Variants in GABPB1 observed in about 807,000 individuals in gnomAD.
The protein encoded by GABPB1 is GA-binding protein subunit beta-1.
In GABPB1, 15 loss-of-function variants were observed where a neutral mutation model predicts 45.9. That is an observed-to-expected ratio of 0.33 (90% confidence interval 0.22 to 0.50). GABPB1 has a LOEUF of 0.50. Among genes scored for constraint, GABPB1 ranks in the 20% least tolerant of loss-of-function variants. The pLI is 0.98. For synonymous variants in GABPB1, 143 were observed against 154.4 expected, an observed-to-expected ratio of 0.93 and a Z score of 0.55; for missense variants, 252 against 457.5, an observed-to-expected ratio of 0.55 and a Z score of 4.10.
intron 1 of GABPB1, among the ~76,000 whole-genome samples, chr15:50,340,395 A>G (rs1299140303): frequency 6.6e-6 from 1 of 152,166 alleles, no homozygotes; most frequent in Non-Finnish European, 1.5e-5. Context: ...ATAGCTCAAA[A>G]GCCCAAACAC....
At chr15:50,352,308 G>C (rs1295748602) in intron 1 of GABPB1, 1 of 149,936 alleles carries the variant, frequency 6.7e-6, no homozygotes, top group Non-Finnish European at 1.5e-5. Context: ...CAATGTTATG[G>C]GAAAAAACAC....
At chr15:50,317,174 T>A (rs562155884) in intron 1 of GABPB1, among the ~76,000 whole-genome samples, 30 of 151,920 alleles carry the variant, frequency 2.0e-4, no homozygotes, top group Non-Finnish European at 3.7e-4. Context: ...GGCAGGTGGA[T>A]CACCTGAGGT....
At chr15:50,320,860 G>A (rs1424935858) in intron 1 of GABPB1, among the ~76,000 whole-genome samples, 1 of 152,026 alleles carries the variant, frequency 6.6e-6, no homozygotes, top group Non-Finnish European at 1.5e-5. Context: ...TGGAGGAAGG[G>A]GTCACAGGTC....
In GABPB1 at chr15:50,276,615, G is replaced by A. The variant is rs1401301425; in HGVS notation, c.*2017C>T. 6.6e-6 allele frequency: 1 copy of A among 152,224 alleles called. No individual in the cohort carries two copies. Among genetic ancestry groups the A allele is most frequent in the Non-Finnish European group, 1.5e-5 (1 of 68,048 alleles). The allele number at this position is 152,224 out of a possible 1,614,324, so 9.4% of individuals were successfully genotyped here. On this transcript the variant is annotated 3_prime_UTR_variant, in exon 9 of 9. Transcript: ENST00000380877. ...AAGTCTCCAGCAGGAGAGGAGACTG[G>A]AAGTCAAAGACGACATTAAGTTAGC...
At position 50,326,431 on chromosome 15, in the gene GABPB1, G is replaced by C. The variant is rs991258107; in HGVS notation, c.1-16633C>G. Among the ~76,000 whole-genome samples the C allele has an allele frequency of 2.6e-5, 4 of 152,090 alleles. No homozygotes were observed. The East Asian group carries it at 7.8e-4, about 30-fold the overall frequency. ...CCAGCACTTTGGGAGGCTGAGGTGGGTGGATCACCTGAGGTCAGGAGTTTG... is the reference window on the plus strand; with the variant it reads ...CCAGCACTTTGGGAGGCTGAGGTGGCTGGATCACCTGAGGTCAGGAGTTTG... On this transcript the variant is annotated intron_variant, in intron 1 of 8. Transcript: ENST00000380877.
chr15:50,312,126 C>T (rs1375349123), intron 1 of GABPB1, among the ~76,000 whole-genome samples: 11 of 152,082 alleles, frequency 7.2e-5, no homozygotes, highest in African/African-American at 2.4e-4. Flanking sequence ...GGGTGAATCA[C>T]TTGAGGTCAG....
intron 1 of GABPB1, among the ~76,000 whole-genome samples, chr15:50,325,293 T>C (rs954081545): frequency 7.6e-6 from 1 of 131,894 alleles, no homozygotes; most frequent in African/African-American, 2.8e-5. Flanking sequence ...TAAGGCAATA[T>C]GATGTTATGC....
At chr15:50,309,184 A>AT (rs553303819) in intron 2 of GABPB1, among the ~76,000 whole-genome samples, 1,938 of 150,516 alleles carry the variant, frequency 0.013, 16 homozygotes, top group Middle Eastern at 0.041. Context: ...TTAAAGAGTT[A>AT]TTTTTTTTTG....
rs982809127 is a variant in GABPB1 at position 50,355,145 on chromosome 15, A to G, written c.-161T>C. 1 of 153,106 alleles carries G rather than the reference A, an allele frequency of 6.5e-6. No homozygotes were observed. Among genetic ancestry groups the G allele is most frequent in the Non-Finnish European group, 1.5e-5 (1 of 68,294 alleles). 9.5% of individuals were successfully genotyped at this position (153,106 alleles called of 1,614,324 possible). On this transcript the variant is annotated 5_prime_UTR_variant, in exon 1 of 9. Transcript: ENST00000380877. The stretch of plus-strand genomic sequence containing the variant: ...AAAATGCCGCGTCTGGTCGGCGCCC[A>G]AAATCCCCACCGAAAAGTCCCCCGT...
At chr15:50,306,355 C>G (rs28716586) in intron 2 of GABPB1, among the ~76,000 whole-genome samples, 1 of 151,942 alleles carries the variant, frequency 6.6e-6, no homozygotes, top group South Asian at 2.1e-4. Flanking sequence ...TCTGGCCAGG[C>G]GCAGTGGCTC....
intron 2 of GABPB1, among the ~76,000 whole-genome samples, chr15:50,309,184 A>ATT (rs553303819): frequency 6.6e-6 from 1 of 150,422 alleles, no homozygotes; most frequent in Non-Finnish European, 1.5e-5. Context: ...TTAAAGAGTT[A>ATT]TTTTTTTTTG....
chr15:50,279,726 T>A (rs375788706), intron 8 of GABPB1, among the ~76,000 whole-genome samples: 1 of 152,124 alleles, frequency 6.6e-6, no homozygotes, highest in African/African-American at 2.4e-5. Context: ...GTCTTAGGAA[T>A]GAGGCAACCT....
intron 1 of GABPB1, chr15:50,354,609 C>A: frequency 2.2e-6 from 1 of 444,844 alleles, no homozygotes; most frequent in South Asian, 1.6e-5. Flanking sequence ...GCCCGCAGAA[C>A]CTCCGCTGCC....
chr15:50,293,574 C>A (rs775979007), intron 6 of GABPB1, among the ~76,000 whole-genome samples: 3 of 152,044 alleles, frequency 2.0e-5, no homozygotes, highest in Admixed American at 1.3e-4. Context: ...GATTTTCAAA[C>A]GCATTAAGTA....
intron 8 of GABPB1, among the ~76,000 whole-genome samples, chr15:50,279,514 T>G (rs2045910268): frequency 6.6e-6 from 1 of 152,240 alleles, no homozygotes; most frequent in Admixed American, 6.5e-5. Context: ...TGCATTAAAT[T>G]CCTCAACAAA....
At chr15:50,330,457 C>T (rs2047910356) in intron 1 of GABPB1, among the ~76,000 whole-genome samples, 1 of 152,150 alleles carries the variant, frequency 6.6e-6, no homozygotes, top group Non-Finnish European at 1.5e-5. Flanking sequence ...AACTGCCTCA[C>T]ACATTTACTT....
At chr15:50,292,180 GGTGGGCGCCTCTA>G (rs1388320286) in intron 6 of GABPB1, among the ~76,000 whole-genome samples, 1 of 151,520 alleles carries the variant, frequency 6.6e-6, no homozygotes, top group Non-Finnish European at 1.5e-5. Context: ...CGGGCGCGGT[GGTGGGCGCCTCTA>G]GTCCCAGCTA....
intron 3 of GABPB1, among the ~76,000 whole-genome samples, chr15:50,303,526 A>T (rs1473849091): frequency 2.6e-5 from 4 of 152,170 alleles, no homozygotes; most frequent in Admixed American, 2.6e-4. Flanking sequence ...TACTAAAAAT[A>T]CAAAAATTAG....
At chr15:50,348,440 G>T (rs1219073191) in intron 1 of GABPB1, among the ~76,000 whole-genome samples, 1 of 151,950 alleles carries the variant, frequency 6.6e-6, no homozygotes, top group African/African-American at 2.4e-5. Flanking sequence ...TAGTAGGGAC[G>T]GCGTTTCACC....
Sources: gnomAD v4.1 joint callset for allele counts (sites outside exome capture counted in the v4.1 genomes callset) on GRCh38, gnomAD v4.1.1 for gene constraint, MANE v1.5 for transcripts, NCBI Gene and HGNC (gene_info 2026-07-23, HGNC 2026-07-21) for gene names.